The following RNF220 variants were observed in gnomAD, a reference collection of about 807,000 sequenced individuals.
RNF220 encodes the protein E3 ubiquitin-protein ligase RNF220.
RNF220 carries 7 observed loss-of-function variants against 67.1 expected under a neutral mutation model. The observed-to-expected ratio is 0.10, with a 90% CI of 0.06 to 0.20. The LOEUF is 0.20. Among genes scored for constraint, RNF220 ranks in the 10% least tolerant of loss-of-function variants. The probability of loss-of-function intolerance (pLI) is 1.00; values close to 1 mark genes in which losing one functional copy is unlikely to be tolerated. For synonymous variants in RNF220, 270 were observed against 283.2 expected (o/e 0.95, Z 0.47); for missense variants, 565 against 740.3 (o/e 0.76, Z 2.75).
At position 44,630,046 on chromosome 1, in the gene RNF220, G is replaced by A. The variant is rs541586435; in HGVS notation, c.907-2297G>A. Among the ~76,000 whole-genome samples, 51 of 152,294 alleles carry A rather than the reference G, an allele frequency of 3.3e-4. 1 individual carries two copies. Among genetic ancestry groups the A allele is most frequent in the Admixed American group, 3.1e-3 (48 of 15,306 alleles). On this transcript the variant is annotated intron_variant, in intron 5 of 14. Transcript: ENST00000361799. ...CATGTAGTAGTTGTTCAGCTATGTC[G>A]GATTTTTAAAGTCACTGAGCTAGGC...
chr1:44,478,945 C>T (rs1655535362), intron 2 of RNF220, among the ~76,000 whole-genome samples: 1 of 152,238 alleles, frequency 6.6e-6, no homozygotes, highest in East Asian at 1.9e-4. Context: ...CCCATGGACA[C>T]TTCTGAAAAA....
intron 2 of RNF220, among the ~76,000 whole-genome samples, chr1:44,478,708 C>T (rs55689044): frequency 2.0e-5 from 3 of 151,950 alleles, no homozygotes; most frequent in South Asian, 2.1e-4. Context: ...GGCAACAGAG[C>T]GAGACTCTGT....
chr1:44,638,420 G>T (rs1019478598), intron 8 of RNF220: 3 of 152,290 alleles, frequency 2.0e-5, no homozygotes, highest in Non-Finnish European at 4.4e-5. Flanking sequence ...GAGCAGGCGA[G>T]TGGCGAGGCC....
chr1:44,425,535 T>C (rs1420381173), intron 2 of RNF220, among the ~76,000 whole-genome samples: 2 of 152,138 alleles, frequency 1.3e-5, no homozygotes, highest in Admixed American at 6.5e-5. Context: ...CTGGCATGTT[T>C]ACAAGTGGGA....
At chr1:44,613,901 G>GA (rs901064872) in intron 2 of RNF220, among the ~76,000 whole-genome samples, 137 of 150,694 alleles carry the variant, frequency 9.1e-4, no homozygotes, top group African/African-American at 3.0e-3. Flanking sequence ...ATTTAAAAAA[G>GA]AAAAAAAAAT....
At chr1:44,416,321 G>A (rs10890300) in intron 2 of RNF220, among the ~76,000 whole-genome samples, 3 of 152,078 alleles carry the variant, frequency 2.0e-5, no homozygotes, top group East Asian at 3.8e-4. Flanking sequence ...AGTAGTTCAC[G>A]TGTGCTTTAC....
At chr1:44,596,212 A>G (rs977004066) in intron 2 of RNF220, among the ~76,000 whole-genome samples, 7 of 152,234 alleles carry the variant, frequency 4.6e-5, no homozygotes, top group African/African-American at 1.4e-4. Context: ...GGAGACTCCC[A>G]TGAAAGAATT....
chr1:44,539,969 C>CCT (rs1374193164), intron 2 of RNF220, among the ~76,000 whole-genome samples: 1 of 152,198 alleles, frequency 6.6e-6, no homozygotes, highest in African/African-American at 2.4e-5. Context: ...ACTAACCTGA[C>CCT]CTCTGTCTAG....
chr1:44,451,092 AG>A (rs1456121090), intron 2 of RNF220, among the ~76,000 whole-genome samples: 1 of 151,992 alleles, frequency 6.6e-6, no homozygotes, highest in East Asian at 1.9e-4. Context: ...CTGAGGCAGG[AG>A]AATGGCGTGA....
At position 44,484,946 on chromosome 1, in the gene RNF220, A is replaced by G. The variant is rs140252795; in HGVS notation, c.625+72224A>G. Reference sequence around the variant, plus strand: ...ATCACAAGGTCAGGAGATCGAGGCCATCCTGGCTAACACGATGAAACCCCA... The same window carrying G: ...ATCACAAGGTCAGGAGATCGAGGCCGTCCTGGCTAACACGATGAAACCCCA... On this transcript the variant is annotated intron_variant, in intron 2 of 14. Coordinates refer to ENST00000361799, the MANE Select transcript of RNF220 (RefSeq NM_018150.4). Among the ~76,000 whole-genome samples the G allele has an allele frequency of 3.7e-3, 558 of 152,296 alleles. 4 individuals carry two copies. The highest frequency in any genetic ancestry group is 0.013 in the African/African-American group (527 of 41,578).
At chr1:44,587,817 A>G (rs1437617013) in intron 2 of RNF220, among the ~76,000 whole-genome samples, 2 of 152,232 alleles carry the variant, frequency 1.3e-5, no homozygotes, top group Non-Finnish European at 2.9e-5. Flanking sequence ...ATGCTTGTAA[A>G]GCACCTTAGA....
intron 3 of RNF220, among the ~76,000 whole-genome samples, chr1:44,616,036 G>C (rs1643532209): frequency 6.6e-6 from 1 of 152,160 alleles, no homozygotes; most frequent in African/African-American, 2.4e-5. Context: ...GTTGGCAGGA[G>C]GCCTCAGTTC....
chr1:44,632,165 C>T, intron 5 of RNF220, 178 bp from the exon 6 acceptor site: 1 of 1,555,364 alleles, frequency 6.4e-7, no homozygotes, highest in Non-Finnish European at 8.7e-7. Context: ...ATGCCGAGAG[C>T]CCGGAGCGGC....
chr1:44,462,739 A>G (rs1272221144), intron 2 of RNF220, among the ~76,000 whole-genome samples: 1 of 152,232 alleles, frequency 6.6e-6, no homozygotes, highest in African/African-American at 2.4e-5. Flanking sequence ...CTTAGAAAAT[A>G]CAAGAAAGGC....
intron 2 of RNF220, among the ~76,000 whole-genome samples, chr1:44,462,208 C>G (rs12074033): frequency 0.02 from 3,099 of 152,030 alleles, 121 homozygotes; most frequent in African/African-American, 0.071. Context: ...GCTGGGATTA[C>G]AGGTGTGAGC....
chr1:44,586,292 G>C (rs1383363728), intron 2 of RNF220, among the ~76,000 whole-genome samples: 1 of 152,184 alleles, frequency 6.6e-6, no homozygotes, highest in African/African-American at 2.4e-5. Flanking sequence ...CATCAAATTG[G>C]AGGCAGGTTT....
At chr1:44,597,759 T>C (rs190486041) in intron 2 of RNF220, among the ~76,000 whole-genome samples, 1 of 152,082 alleles carries the variant, frequency 6.6e-6, no homozygotes, top group African/African-American at 2.4e-5. Context: ...CTTTTTTATT[T>C]CTCCTTGCAC....
At chr1:44,466,116 G>A (rs1018517913) in intron 2 of RNF220, among the ~76,000 whole-genome samples, 4 of 152,156 alleles carry the variant, frequency 2.6e-5, no homozygotes, top group African/African-American at 4.8e-5. Context: ...TATCAACTAA[G>A]TTTATGTAAG....
intron 2 of RNF220, among the ~76,000 whole-genome samples, chr1:44,423,450 A>G (rs1422623412): frequency 6.6e-6 from 1 of 152,204 alleles, no homozygotes; most frequent in Non-Finnish European, 1.5e-5. Context: ...TCTGAGGCTC[A>G]TCATCATCTA....
Sources: gnomAD v4.1 joint callset for allele counts (sites outside exome capture counted in the v4.1 genomes callset) on GRCh38, gnomAD v4.1.1 for gene constraint, MANE v1.5 for transcripts, NCBI Gene and HGNC (gene_info 2026-07-23, HGNC 2026-07-21) for gene names.